Variants in NLRP4 observed in about 807,000 individuals in gnomAD.
The protein encoded by NLRP4 is NACHT, LRR and PYD domains-containing protein 4.
NLRP4 carries 44 observed loss-of-function variants against 84.7 expected under a neutral mutation model. That is an observed-to-expected ratio of 0.52 (90% CI 0.41 to 0.67). The LOEUF (loss-of-function observed/expected upper bound fraction) is 0.67, where lower values mean the gene tolerates loss of function less well. Ranked by LOEUF, NLRP4 falls within the 30% of genes least tolerant of loss-of-function variation. The pLI, the probability that NLRP4 is intolerant of heterozygous loss-of-function variation, is 0.00. For missense variants in NLRP4, 1,260 were observed against 1,219.4 expected (o/e 1.03, Z -0.50); for synonymous variants, 544 against 476.4 (o/e 1.14, Z -1.85).
chr19:55,840,241 A>T (rs1983553677), intron 1 of NLRP4, among the ~76,000 whole-genome samples: 2 of 152,140 alleles, frequency 1.3e-5, no homozygotes, highest in African/African-American at 4.8e-5. Flanking sequence ...AATTGCTGGA[A>T]CAAATTGATA....
chr19:55,860,110 C>T (rs1008498913), intron 3 of NLRP4, among the ~76,000 whole-genome samples: 2 of 151,366 alleles, frequency 1.3e-5, no homozygotes, highest in African/African-American at 4.9e-5. Context: ...CTCGGCCTCC[C>T]GAATAGCTGG....
chr19:55,871,216 C>T (rs1453072486), intron 7 of NLRP4, among the ~76,000 whole-genome samples: 1 of 152,184 alleles, frequency 6.6e-6, no homozygotes, highest in African/African-American at 2.4e-5. Flanking sequence ...AAGAGTTCTC[C>T]AGTGGCATAT....
Position 55,858,511 on chromosome 19 carries a change from C to A in NLRP4, c.1118C>A (p.Ser373Tyr), listed in dbSNP as rs1280225944. 1.2e-6 allele frequency: 2 copies of A among 1,614,168 alleles called. No homozygotes were observed. Among genetic ancestry groups the A allele is most frequent in the Middle Eastern group, 1.7e-4 (1 of 6,060 alleles). Residue 373 changes from serine to tyrosine, a missense_variant, in exon 3 of 10, where the codon TCC becomes TAC. This residue lies in a region of NLRP4 where 712 missense variants were observed against 669.2 expected (regional missense o/e 1.06). Coordinates refer to ENST00000301295, the MANE Select transcript of NLRP4 (RefSeq NM_134444.5). The surrounding 1 kb of genome is among the most constrained non-coding windows in gnomAD (Gnocchi z 4.2). Reference protein sequence around the residue: ...LTCQSTTSVYSSFVFNLFTPE... With the variant: ...LTCQSTTSVYYSFVFNLFTPE... ...TGCCAGAGCACTACCTCTGTGTACTCCTCTTTCGTCTTTAACCTGTTCACA... is the reference window on the plus strand; with the variant it reads ...TGCCAGAGCACTACCTCTGTGTACTACTCTTTCGTCTTTAACCTGTTCACA...
At chr19:55,862,216 G>T in intron 5 of NLRP4, 57 bp downstream of exon 5, 3 of 973,684 alleles carry the variant, frequency 3.1e-6, no homozygotes, top group Admixed American at 4.7e-5. Context: ...TATAGCCTAA[G>T]TCTCCGTTTA....
chr19:55,880,324 G>A (rs976148378), intron 9 of NLRP4, among the ~76,000 whole-genome samples: 2 of 152,314 alleles, frequency 1.3e-5, no homozygotes, highest in African/African-American at 2.4e-5. Flanking sequence ...AAGTAGACAC[G>A]TGATTAAGGG....
At chr19:55,853,783 G>T (rs1185269474) in intron 2 of NLRP4, among the ~76,000 whole-genome samples, 6 of 141,390 alleles carry the variant, frequency 4.2e-5, no homozygotes, top group South Asian at 2.2e-4. Context: ...CTCTCTTTCT[G>T]TCTCTCTTTC....
In NLRP4 at chr19:55,844,732, C is replaced by T. The variant is rs142212101; in HGVS notation, c.-65-7284C>T. ...GACTTCAGTTGCACTTTGTGACCTC[C>T]AGTGTAACTCATTGTATCTACGAGT... On this transcript the variant is annotated intron_variant, in intron 1 of 9. Transcript: ENST00000301295. 6.3e-3 allele frequency among the ~76,000 whole-genome samples: 963 copies of T among 152,290 alleles called. 11 individuals are homozygous for T. Among genetic ancestry groups the T allele is most frequent in the African/African-American group, 0.021 (881 of 41,544 alleles).
chr19:55,856,659 G>A (rs1984433217), intron 2 of NLRP4, among the ~76,000 whole-genome samples: 1 of 151,774 alleles, frequency 6.6e-6, no homozygotes, highest in South Asian at 2.1e-4. Flanking sequence ...GGGACTACAG[G>A]CACACACCAC....
intron 1 of NLRP4, among the ~76,000 whole-genome samples, chr19:55,839,971 A>C (rs1462986575): frequency 6.6e-6 from 1 of 152,168 alleles, no homozygotes; most frequent in African/African-American, 2.4e-5. Flanking sequence ...ATTACTTAGA[A>C]GTATGTTTCT....
At chr19:55,874,737 A>G (rs116352184) in intron 7 of NLRP4, among the ~76,000 whole-genome samples, 3,613 of 152,190 alleles carry the variant, frequency 0.024, 136 homozygotes, top group African/African-American at 0.08. Context: ...ACTCCCCACC[A>G]TTTTTTGTGG....
At chr19:55,866,010 A>T (rs1984940942) in intron 5 of NLRP4, among the ~76,000 whole-genome samples, 1 of 151,964 alleles carries the variant, frequency 6.6e-6, no homozygotes, top group Non-Finnish European at 1.5e-5. Context: ...ATTCATTAAG[A>T]TTAACTTCTT....
chr19:55,878,987 C>T (rs1258899641), intron 9 of NLRP4, 23 bp downstream of exon 9: 1 of 1,592,748 alleles, frequency 6.3e-7, no homozygotes, highest in Non-Finnish European at 8.6e-7. Flanking sequence ...CTGTTGTGCT[C>T]TATGGGCAGA....
chr19:55,863,919 A>G (rs376744431), intron 5 of NLRP4, among the ~76,000 whole-genome samples: 4 of 152,138 alleles, frequency 2.6e-5, no homozygotes, highest in African/African-American at 9.7e-5. Context: ...CCACACATTC[A>G]AATACTTCTC....
At chr19:55,865,141 C>T (rs964055217) in intron 5 of NLRP4, among the ~76,000 whole-genome samples, 1 of 151,978 alleles carries the variant, frequency 6.6e-6, no homozygotes, top group Non-Finnish European at 1.5e-5. Flanking sequence ...TTCTTCCCAC[C>T]CTCTGCTCTC....
At chr19:55,879,111 T>C (rs1466074552) in intron 9 of NLRP4, 147 bp downstream of exon 9, 5 of 613,882 alleles carry the variant, frequency 8.1e-6, no homozygotes, top group South Asian at 4.3e-5. Context: ...ACCAAGCAGG[T>C]GAGTATAAAA....
chr19:55,876,310 A>T (rs577501539), intron 7 of NLRP4, among the ~76,000 whole-genome samples: 1 of 152,216 alleles, frequency 6.6e-6, no homozygotes, highest in Admixed American at 6.5e-5. Context: ...TCCCCTGAGG[A>T]GTCCAAAATC....
At chr19:55,856,465 G>A (rs1302007503) in intron 2 of NLRP4, among the ~76,000 whole-genome samples, 1 of 151,596 alleles carries the variant, frequency 6.6e-6, no homozygotes, top group African/African-American at 2.4e-5. Flanking sequence ...TCTTAGCTAC[G>A]AGGGGTTGTG....
intron 1 of NLRP4, among the ~76,000 whole-genome samples, chr19:55,840,784 A>G (rs1983583859): frequency 6.6e-6 from 1 of 152,190 alleles, no homozygotes. Context: ...CCCTGTGGTT[A>G]TGCAGCATCT....
intron 1 of NLRP4, among the ~76,000 whole-genome samples, chr19:55,849,698 GTT>G (rs1014484559): frequency 6.6e-6 from 1 of 152,210 alleles, no homozygotes; most frequent in Non-Finnish European, 1.5e-5. Context: ...CTTCTCTATT[GTT>G]TACTGAGAAA....
Sources: allele counts gnomAD v4.1 joint callset (sites outside exome capture counted in the v4.1 genomes callset), GRCh38; gene constraint gnomAD v4.1.1; regional missense constraint gnomAD v4.1.1; non-coding constraint Gnocchi (gnomAD v3.1); transcripts MANE v1.5; gene names NCBI Gene and HGNC (gene_info 2026-07-23, HGNC 2026-07-21).